Variants in DSCAML1 observed in about 807,000 individuals in gnomAD.
The protein encoded by DSCAML1 is cell adhesion molecule DSCAML1.
DSCAML1 carries 38 observed loss-of-function variants against 200.5 expected under a neutral mutation model. The ratio of observed to expected loss-of-function variants is 0.19; its 90% CI spans 0.15 to 0.25. The LOEUF (loss-of-function observed/expected upper bound fraction) is 0.25. Ranked by LOEUF, DSCAML1 falls within the 10% of genes least tolerant of loss-of-function variation. The pLI, the probability that DSCAML1 is intolerant of heterozygous loss-of-function variation, is 1.00. For synonymous variants in DSCAML1, 1,215 were observed against 1,165.0 expected, an observed-to-expected ratio of 1.04 and a Z score of -0.87; for missense variants, 2,223 against 2,858.8, an observed-to-expected ratio of 0.78 and a Z score of 5.07.
At chr11:117,609,409 G>C (rs1459974257) in intron 3 of DSCAML1, among the ~76,000 whole-genome samples, 1 of 151,300 alleles carries the variant, frequency 6.6e-6, no homozygotes, top group Non-Finnish European at 1.5e-5. Context: ...CTGGGCTCAT[G>C]CAGTTCTCCC....
intron 19 of DSCAML1, among the ~76,000 whole-genome samples, chr11:117,452,172 T>G (rs140873118): frequency 6.6e-6 from 1 of 152,350 alleles, no homozygotes; most frequent in African/African-American, 2.4e-5. Context: ...TCTCTATCCT[T>G]GCATACTTTT....
chr11:117,436,191 G>A (rs980333833), intron 26 of DSCAML1, among the ~76,000 whole-genome samples: 6 of 152,160 alleles, frequency 3.9e-5, no homozygotes, highest in East Asian at 1.9e-4. Context: ...CTGGGCAGTG[G>A]ACCCTGGGTT....
At chr11:117,566,943 G>A (rs2050769956) in intron 3 of DSCAML1, among the ~76,000 whole-genome samples, 1 of 152,040 alleles carries the variant, frequency 6.6e-6, no homozygotes, top group South Asian at 2.1e-4. Context: ...ATTCCATGGT[G>A]TATATGTGCC....
At chr11:117,776,991 G>C (rs1200601162) in intron 2 of DSCAML1, 54 bp from the exon 3 acceptor site, 1 of 1,596,566 alleles carries the variant, frequency 6.3e-7, no homozygotes, top group Non-Finnish European at 8.6e-7. Flanking sequence ...ATGTGGTGAG[G>C]GTCCCCAGAA....
Position 117,577,451 on chromosome 11 carries a change from TCCTTC to T in DSCAML1, c.512-44934_512-44930del, listed in dbSNP as rs1308863277. ...TTCCTTCCTTCTTTCCTTCCTTCCTTCCTTCCTTTCCTTCCTTCCTTCCTTCCTTC... is the reference window on the plus strand; with the variant it reads ...TTCCTTCCTTCTTTCCTTCCTTCCTTCTTTCCTTCCTTCCTTCCTTCCTTC... On this transcript the variant is annotated intron_variant, in intron 3 of 32. Coordinates refer to ENST00000651296, the MANE Select transcript of DSCAML1 (RefSeq NM_020693.4). 7.0e-3 allele frequency among the ~76,000 whole-genome samples: 429 copies of T among 60,998 alleles called. 5 individuals carry two copies. The highest frequency in any genetic ancestry group is 0.018 in the African/African-American group (409 of 22,556). The allele number at this position is 60,998 out of a possible 152,430, so 40.0% of individuals were successfully genotyped here.
intron 3 of DSCAML1, among the ~76,000 whole-genome samples, chr11:117,695,773 C>A (rs976323224): frequency 1.3e-5 from 2 of 152,146 alleles, no homozygotes; most frequent in Admixed American, 1.3e-4. Flanking sequence ...TTGCCATGAG[C>A]CTCGATTTAA....
rs1045125061 is a variant in DSCAML1, at chr11:117,540,840, GTAA to G, written c.512-8321_512-8319del. Among the ~76,000 whole-genome samples the G allele has an allele frequency of 6.5e-5, 9 of 139,166 alleles. No individual in the cohort carries two copies. The South Asian group carries it at 1.5e-3, about 24-fold the overall frequency. 91.3% of individuals were successfully genotyped at this position (139,166 alleles called of 152,430 possible). ...CATGTACCCTGGAACTTAAAGTACA[GTAA>G]TAATAATAAAAAAAGTTGGAATGAG... On this transcript the variant is annotated intron_variant, in intron 3 of 32. Coordinates refer to ENST00000651296, the MANE Select transcript of DSCAML1 (RefSeq NM_020693.4).
chr11:117,430,837 G>A lies in DSCAML1; in HGVS notation c.5571C>T (p.Ser1857=), dbSNP rs2047773684. 6.2e-7 allele frequency: 1 copy of A among 1,614,192 alleles called. No individual in the cohort carries two copies. The highest frequency in any genetic ancestry group is 8.5e-7 in the Non-Finnish European group (1 of 1,180,038). The part of the protein sequence containing the change: ...GTNENADSMT[S]MSTPSEPGIC... ...TGCCAGGCTCTGAGGGTGTGCTCAT[G>A]GATGTCATGCTGTCGGCGTTCTCGT... The change falls in exon 32 of 33, where the codon TCC becomes TCT. Residue 1857 remains serine, a synonymous_variant. Coordinates refer to ENST00000651296, the MANE Select transcript of DSCAML1 (RefSeq NM_020693.4).
At chr11:117,440,130 T>C (rs980841611) in intron 21 of DSCAML1, among the ~76,000 whole-genome samples, 194 bp from the exon 22 acceptor site, 9 of 152,184 alleles carry the variant, frequency 5.9e-5, no homozygotes, top group African/African-American at 9.7e-5. Flanking sequence ...ATTGATGAAA[T>C]ACCAGTTATG....
intron 3 of DSCAML1, among the ~76,000 whole-genome samples, chr11:117,704,110 G>C (rs1168493856): frequency 7.2e-6 from 1 of 138,544 alleles, no homozygotes; most frequent in Admixed American, 7.3e-5. Context: ...GACAAAGAAG[G>C]AAGGAAGAAG....
chr11:117,723,497 T>G (rs1263389874), intron 3 of DSCAML1, among the ~76,000 whole-genome samples: 1 of 152,216 alleles, frequency 6.6e-6, no homozygotes, highest in Non-Finnish European at 1.5e-5. Context: ...TATTTTAACC[T>G]TCCAGTATTT....
chr11:117,646,836 T>A (rs2052530810), intron 3 of DSCAML1, among the ~76,000 whole-genome samples: 1 of 125,940 alleles, frequency 7.9e-6, no homozygotes. Flanking sequence ...TCAAAAGAGG[T>A]CTCCTAGAGA....
In DSCAML1 at chr11:117,748,149, G is replaced by A. The variant is rs1057329996; in HGVS notation, c.511+28642C>T. ...ATATGGCGGCAATGATACCAAAATT[G>A]TAGACTATTGTGAGAAAGTGAAGAC... is the stretch of plus-strand genomic sequence containing the variant. On this transcript the variant is annotated intron_variant, in intron 3 of 32. Coordinates refer to ENST00000651296, the MANE Select transcript of DSCAML1 (RefSeq NM_020693.4). 5.9e-5 allele frequency among the ~76,000 whole-genome samples: 9 copies of A among 152,276 alleles called. 2 individuals are homozygous for A. Among genetic ancestry groups the A allele is most frequent in the African/African-American group, 2.2e-4 (9 of 41,554 alleles).
At chr11:117,684,686 T>C (rs1333803106) in intron 3 of DSCAML1, among the ~76,000 whole-genome samples, 1 of 152,220 alleles carries the variant, frequency 6.6e-6, no homozygotes, top group Non-Finnish European at 1.5e-5. Flanking sequence ...GTAAAATGTA[T>C]TGCTGAATGT....
intron 3 of DSCAML1, among the ~76,000 whole-genome samples, chr11:117,671,499 T>C (rs2053106079): frequency 6.6e-6 from 1 of 152,194 alleles, no homozygotes; most frequent in African/African-American, 2.4e-5. Flanking sequence ...CCCCAATGCC[T>C]CTTAACAGAG....
intron 8 of DSCAML1, among the ~76,000 whole-genome samples, chr11:117,511,729 T>A (rs954064608): frequency 6.6e-6 from 1 of 152,224 alleles, no homozygotes; most frequent in African/African-American, 2.4e-5. Context: ...TTTCATATGG[T>A]CCCACCTGCA....
At chr11:117,630,345 A>C (rs1037947213) in intron 3 of DSCAML1, among the ~76,000 whole-genome samples, 11 of 152,168 alleles carry the variant, frequency 7.2e-5, no homozygotes, top group African/African-American at 2.4e-4. Flanking sequence ...AGTGGGCCCA[A>C]CACACACAAC....
intron 3 of DSCAML1, among the ~76,000 whole-genome samples, chr11:117,697,234 T>C (rs10790200): frequency 0.094 from 14,365 of 152,218 alleles, 798 homozygotes; most frequent in African/African-American, 0.15. Flanking sequence ...CTGCCTCACA[T>C]AGCTCCTTCT....
intron 3 of DSCAML1, among the ~76,000 whole-genome samples, chr11:117,569,199 C>T (rs891920192): frequency 4.1e-4 from 63 of 152,300 alleles, no homozygotes; most frequent in African/African-American, 1.5e-3. Flanking sequence ...CCCTTCCTTA[C>T]ACCTTATACA....
Sources: gnomAD v4.1 joint callset for allele counts (sites outside exome capture counted in the v4.1 genomes callset) on GRCh38, gnomAD v4.1.1 for gene constraint, MANE v1.5 for transcripts, NCBI Gene and HGNC (gene_info 2026-07-23, HGNC 2026-07-21) for gene names.